LARP1B: variants seen among roughly 807,000 people sequenced by gnomAD.
LARP1B encodes the protein La ribonucleoprotein 1B.
LARP1B carries 76 observed loss-of-function variants against 114.2 expected under a neutral mutation model. That is an observed-to-expected ratio of 0.67 (90% CI 0.55 to 0.81). The LOEUF is 0.81. LARP1B is among the 30% of genes least tolerant of loss of function. The pLI is 0.00. For missense variants in LARP1B, 1,014 were observed against 1,075.8 expected, an observed-to-expected ratio of 0.94 and a Z score of 0.80; for synonymous variants, 345 against 348.0, an observed-to-expected ratio of 0.99 and a Z score of 0.10.
intron 18 of LARP1B, among the ~76,000 whole-genome samples, 187 bp from the exon 19 acceptor site, chr4:128,207,069 T>G (rs1757813956): frequency 6.6e-6 from 1 of 152,246 alleles, no homozygotes; most frequent in African/African-American, 2.4e-5. Context: ...TTAATGCTTG[T>G]TACATAACAA....
chr4:128,180,080 T>C (rs558709004), intron 15 of LARP1B, among the ~76,000 whole-genome samples: 17 of 152,122 alleles, frequency 1.1e-4, no homozygotes, highest in Admixed American at 5.9e-4. Context: ...TTCAGAGGGG[T>C]TGCAGAGGTG....
At chr4:128,150,285 T>C (rs1732161416) in intron 11 of LARP1B, among the ~76,000 whole-genome samples, 1 of 137,838 alleles carries the variant, frequency 7.3e-6, no homozygotes, top group Non-Finnish European at 1.5e-5. Flanking sequence ...ATAGCTTTAA[T>C]TTTTTTCTTT....
chr4:128,175,614 TCAG>T (rs910969369), intron 12 of LARP1B, among the ~76,000 whole-genome samples: 1 of 152,190 alleles, frequency 6.6e-6, no homozygotes, highest in Non-Finnish European at 1.5e-5. Flanking sequence ...TTCTTTTTAT[TCAG>T]TTTATTGGTT....
At chr4:128,067,357 G>T (rs1763398569) in intron 1 of LARP1B, among the ~76,000 whole-genome samples, 3 of 152,140 alleles carry the variant, frequency 2.0e-5, no homozygotes, top group South Asian at 2.1e-4. Context: ...TGTTAATGAG[G>T]TAAAGGAATT....
intron 12 of LARP1B, among the ~76,000 whole-genome samples, chr4:128,169,889 G>A (rs771572329): frequency 7.2e-5 from 11 of 151,976 alleles, no homozygotes; most frequent in African/African-American, 7.2e-5. Flanking sequence ...CACCCACCTC[G>A]GCCTCCCAAA....
At chr4:128,092,801 G>A (rs1359121807) in intron 7 of LARP1B, 1 of 985,240 alleles carries the variant, frequency 1.0e-6, no homozygotes, top group Non-Finnish European at 1.2e-6. Flanking sequence ...GAAGAAAAGG[G>A]CCTTTTTGTG....
chr4:128,092,838 T>A, intron 7 of LARP1B: 1 of 985,440 alleles, frequency 1.0e-6, no homozygotes. Flanking sequence ...CATGTGGCTG[T>A]CAACTTCATA....
intron 12 of LARP1B, among the ~76,000 whole-genome samples, chr4:128,166,956 C>G (rs1380071738): frequency 1.7e-5 from 2 of 114,612 alleles, no homozygotes; most frequent in Non-Finnish European, 3.6e-5. Context: ...CTCTCTCTCT[C>G]TCTCTCTCTC....
intron 9 of LARP1B, chr4:128,108,267 C>T (rs1320144540): frequency 9.4e-7 from 1 of 1,068,284 alleles, no homozygotes; most frequent in Non-Finnish European, 1.1e-6. Context: ...TACTTGTGTC[C>T]AGATGAATAA....
chr4:128,091,079 G>T lies in LARP1B; in HGVS notation c.437G>T (p.Gly146Val), dbSNP rs1378119560. The change falls in exon 6 of 20, where the codon GGT becomes GTT. Residue 146 changes from glycine to valine, a missense_variant. By Grantham distance (109) the Gly-to-Val change is moderately radical. Transcript: ENST00000326639. The stretch of plus-strand genomic sequence containing the variant: ...AGAAGTGAGGGTGGTAATATCCGAG[G>T]TTCCTTTAGAGGTCGAGGAAGAGGC... ...SVRSEGGNIR[G>V]SFRGRGRGRG... The T allele has an allele frequency of 1.2e-6, 2 of 1,613,986 alleles. No individual in the cohort carries two copies. Among genetic ancestry groups the T allele is most frequent in the Non-Finnish European group, 8.5e-7 (1 of 1,179,896 alleles).
Position 128,091,000 on chromosome 4 carries a change from G to A in LARP1B, c.359-1G>A. ...TATAAAAATATTTTTATTTTTAAAA[G>A]GTTGGAAGCGAGATAGAGAAAAAAG... On this transcript the variant is annotated splice_acceptor_variant, in intron 5 of 19. Transcript: ENST00000326639. LOFTEE classifies it high-confidence loss of function. 6.3e-7 allele frequency: 1 copy of A among 1,594,580 alleles called. No homozygotes were observed. The highest frequency in any genetic ancestry group is 8.6e-7 in the Non-Finnish European group (1 of 1,167,518).
chr4:128,192,863 C>T (rs1282244864), intron 15 of LARP1B, among the ~76,000 whole-genome samples: 4 of 151,548 alleles, frequency 2.6e-5, no homozygotes, highest in African/African-American at 9.7e-5. Flanking sequence ...GACAGAGTCT[C>T]GATCTTTCAC....
At chr4:128,142,829 C>T (rs929728339) in intron 11 of LARP1B, among the ~76,000 whole-genome samples, 5 of 151,564 alleles carry the variant, frequency 3.3e-5, no homozygotes, top group Non-Finnish European at 5.9e-5. Flanking sequence ...TTTCAAAATA[C>T]AAAATTCTTT....
chr4:128,082,943 C>T (rs1406310299), intron 5 of LARP1B, among the ~76,000 whole-genome samples: 1 of 151,204 alleles, frequency 6.6e-6, no homozygotes, highest in Non-Finnish European at 1.5e-5. Flanking sequence ...CTCTGGTTTT[C>T]CTAGGCAGAG....
At chr4:128,065,019 G>A (rs1441335908) in intron 1 of LARP1B, among the ~76,000 whole-genome samples, 1 of 152,114 alleles carries the variant, frequency 6.6e-6, no homozygotes, top group East Asian at 1.9e-4. Flanking sequence ...TAACAGTTAA[G>A]CTATTGGTGC....
chr4:128,176,848 G>A (rs200691426), intron 12 of LARP1B, 24 bp from the exon 13 acceptor site: 594 of 1,610,794 alleles, frequency 3.7e-4, no homozygotes, highest in Non-Finnish European at 4.8e-4. Context: ...AGCACAAAAA[G>A]GGACTAATTA....
chr4:128,155,747 C>A lies in LARP1B; in HGVS notation c.1525-6447C>A, dbSNP rs917524907. The A allele has an allele frequency of 1.9e-6, 3 of 1,608,090 alleles. No homozygotes were observed. In the East Asian group the frequency reaches 6.7e-5, roughly 36 times the overall value. ...CCCGAGCGGAACAAGCTGGCTGCGG[C>A]CAAGTGTAGGAACTGGAGGAAGGAA... On this transcript the variant is annotated intron_variant, in intron 11 of 19. Coordinates refer to ENST00000326639, the MANE Select transcript of LARP1B (RefSeq NM_018078.4).
chr4:128,092,860 G>A, intron 7 of LARP1B: 1 of 985,424 alleles, frequency 1.0e-6, no homozygotes, highest in Non-Finnish European at 1.2e-6. Flanking sequence ...CACTATTACT[G>A]TCTTTTTTGT....
chr4:128,104,371 C>T (rs149649179), intron 8 of LARP1B, among the ~76,000 whole-genome samples: 16 of 152,224 alleles, frequency 1.1e-4, no homozygotes, highest in Non-Finnish European at 7.4e-5. Context: ...TGGTGTATAG[C>T]AGTTGTTTAC....
Sources: allele counts gnomAD v4.1 joint callset (sites outside exome capture counted in the v4.1 genomes callset), GRCh38; gene constraint gnomAD v4.1.1; transcripts MANE v1.5; gene names NCBI Gene and HGNC (gene_info 2026-07-23, HGNC 2026-07-21).